The following DDX4 variants were observed in gnomAD, a reference collection of about 807,000 sequenced individuals.
DDX4 encodes the protein probable ATP-dependent RNA helicase DDX4.
Under a neutral mutation model 100.0 loss-of-function variants are expected in DDX4, and 25 were observed. The ratio of observed to expected loss-of-function variants is 0.25; its 90% CI spans 0.18 to 0.35. The LOEUF is 0.35. DDX4 is among the 10% of genes least tolerant of loss of function. The pLI is 1.00. For synonymous variants in DDX4, 259 were observed against 275.7 expected (o/e 0.94, Z 0.60); for missense variants, 635 against 882.4 (o/e 0.72, Z 3.55).
chr5:55,803,896 C>T (rs1041258054), intron 18 of DDX4, among the ~76,000 whole-genome samples: 19 of 152,252 alleles, frequency 1.2e-4, no homozygotes, highest in South Asian at 2.1e-4. Flanking sequence ...CCTGAGGAAT[C>T]GCCACACTGA....
chr5:55,745,094 G>A (rs1759181619), intron 2 of DDX4, among the ~76,000 whole-genome samples: 1 of 152,088 alleles, frequency 6.6e-6, no homozygotes, highest in African/African-American at 2.4e-5. Flanking sequence ...TGGTCAGGCT[G>A]GTCTTGAACT....
chr5:55,796,642 A>G (rs1742956989), intron 17 of DDX4, among the ~76,000 whole-genome samples: 1 of 152,092 alleles, frequency 6.6e-6, no homozygotes, highest in Non-Finnish European at 1.5e-5. Context: ...CTAGTCTACT[A>G]GAGCTATTTC....
At chr5:55,799,756 G>C (rs976078322) in intron 18 of DDX4, among the ~76,000 whole-genome samples, 1 of 152,104 alleles carries the variant, frequency 6.6e-6, no homozygotes. Context: ...TTTTAAATAT[G>C]TTCATTTTAA....
intron 2 of DDX4, among the ~76,000 whole-genome samples, chr5:55,744,377 G>A (rs1004323073): frequency 6.6e-6 from 1 of 152,084 alleles, no homozygotes; most frequent in Non-Finnish European, 1.5e-5. Flanking sequence ...ATTGTCATGT[G>A]CAAGAATTTC....
In DDX4 at chr5:55,804,933, T is replaced by A. The variant is rs570016973; in HGVS notation, c.1615+6362T>A. On this transcript the variant is annotated intron_variant, in intron 18 of 21. Transcript: ENST00000505374. ...TTGGGCAGTATGGCCATTTTCACGA[T>A]ATTGATTCTTCCTACCCATGAGCAT... Among the ~76,000 whole-genome samples, 515 of 151,688 alleles carry A rather than the reference T, an allele frequency of 3.4e-3. 6 individuals carry two copies. The highest frequency in any genetic ancestry group is 0.012 in the African/African-American group (500 of 41,396).
intron 6 of DDX4, chr5:55,766,936 T>C (rs13181170): frequency 0.27 from 405,240 of 1,509,622 alleles, 58,681 homozygotes; most frequent in Admixed American, 0.51. Flanking sequence ...GGGAATGGGG[T>C]CTAGGAATTT....
At chr5:55,771,736 G>A (rs1013248810) in intron 7 of DDX4, among the ~76,000 whole-genome samples, 2 of 152,148 alleles carry the variant, frequency 1.3e-5, no homozygotes, top group African/African-American at 4.8e-5. Context: ...TCTGCTGGTT[G>A]TGTGGTGGTG....
intron 15 of DDX4, 82 bp from the exon 16 acceptor site, chr5:55,790,494 G>A: frequency 1.0e-6 from 1 of 954,208 alleles, no homozygotes; most frequent in Non-Finnish European, 1.6e-6. Flanking sequence ...TTTTCTTTTT[G>A]GATTTTGTTT....
intron 6 of DDX4, among the ~76,000 whole-genome samples, chr5:55,765,359 T>C (rs908098031): frequency 1.2e-4 from 17 of 146,836 alleles, no homozygotes; most frequent in East Asian, 8.0e-4. Context: ...TGCTTTGTTT[T>C]GATCTACTTT....
At chr5:55,747,705 T>C (rs1411032477) in intron 3 of DDX4, among the ~76,000 whole-genome samples, 1 of 152,184 alleles carries the variant, frequency 6.6e-6, no homozygotes, top group East Asian at 1.9e-4. Flanking sequence ...AAACTGGAAC[T>C]CTGTACTCAT....
At chr5:55,738,617 T>C (rs1758821199) in intron 1 of DDX4, among the ~76,000 whole-genome samples, 1 of 152,132 alleles carries the variant, frequency 6.6e-6, no homozygotes, top group Admixed American at 6.5e-5. Context: ...GCCTCTCCCT[T>C]AATATTCAGT....
intron 7 of DDX4, among the ~76,000 whole-genome samples, chr5:55,770,089 A>G (rs1017469162): frequency 6.6e-6 from 1 of 152,094 alleles, no homozygotes; most frequent in African/African-American, 2.4e-5. Context: ...GCTGGTCTGG[A>G]ACTCCTGACC....
chr5:55,780,135 A>G (rs564321513), intron 8 of DDX4, 70 bp downstream of exon 8: 2 of 1,567,098 alleles, frequency 1.3e-6, no homozygotes, highest in Non-Finnish European at 1.7e-6. Flanking sequence ...AAAAATACGT[A>G]TCAAAGAAGG....
intron 3 of DDX4, among the ~76,000 whole-genome samples, chr5:55,758,273 C>T (rs1760068366): frequency 1.3e-5 from 2 of 152,022 alleles, no homozygotes; most frequent in African/African-American, 2.4e-5. Context: ...CTGGGATAAA[C>T]CCAATTAGTC....
At chr5:55,802,563 T>G (rs1743390080) in intron 18 of DDX4, among the ~76,000 whole-genome samples, 1 of 152,214 alleles carries the variant, frequency 6.6e-6, no homozygotes. Context: ...GAAATCTCAC[T>G]CAGTCCAGTG....
intron 3 of DDX4, among the ~76,000 whole-genome samples, chr5:55,759,022 G>T (rs1267078274): frequency 6.6e-6 from 1 of 151,618 alleles, no homozygotes; most frequent in Non-Finnish European, 1.5e-5. Context: ...CTAAATAGCT[G>T]GGTCTACAGG....
chr5:55,812,208 A>C (rs1200952338), intron 18 of DDX4, among the ~76,000 whole-genome samples: 3 of 152,144 alleles, frequency 2.0e-5, no homozygotes, highest in African/African-American at 7.2e-5. Context: ...TCTTTTATTC[A>C]TCTTTATAAA....
intron 18 of DDX4, among the ~76,000 whole-genome samples, chr5:55,802,069 C>T (rs13156090): frequency 0.11 from 17,006 of 152,052 alleles, 1,441 homozygotes; most frequent in East Asian, 0.29. Flanking sequence ...ACCTTTGTTC[C>T]TTAAAAAAAA....
intron 3 of DDX4, among the ~76,000 whole-genome samples, chr5:55,752,103 G>C (rs182662216): frequency 1.5e-4 from 23 of 152,182 alleles, no homozygotes; most frequent in Middle Eastern, 3.4e-3. Flanking sequence ...TTTTGTTTGT[G>C]AACTGTGGTA....
Sources: allele counts gnomAD v4.1 joint callset (sites outside exome capture counted in the v4.1 genomes callset), GRCh38; gene constraint gnomAD v4.1.1; transcripts MANE v1.5; gene names NCBI Gene and HGNC (gene_info 2026-07-23, HGNC 2026-07-21).